The following HMGA2 variants were observed in gnomAD, a reference collection of about 807,000 sequenced individuals.
HMGA2 encodes the protein high mobility group protein HMGI-C.
In HMGA2, 8 loss-of-function variants were observed where a neutral mutation model predicts 19.1. The ratio of observed to expected loss-of-function variants is 0.42; its 90% CI spans 0.25 to 0.76. HMGA2 has a LOEUF of 0.76. Among genes scored for constraint, HMGA2 ranks in the 30% least tolerant of loss-of-function variants. The pLI, the probability that HMGA2 is intolerant of heterozygous loss-of-function variation, is 0.28. For missense variants in HMGA2, 109 were observed against 136.3 expected, an observed-to-expected ratio of 0.80 and a Z score of 1.00; for synonymous variants, 60 against 48.8, an observed-to-expected ratio of 1.23 and a Z score of -0.96.
chr12:65,833,903 G>A (rs887857758), intron 2 of HMGA2, among the ~76,000 whole-genome samples: 2 of 152,082 alleles, frequency 1.3e-5, no homozygotes, highest in South Asian at 2.1e-4. Flanking sequence ...TATATTTGTG[G>A]GTAGCATTTT....
intron 3 of HMGA2, among the ~76,000 whole-genome samples, chr12:65,903,842 C>T (rs1438729186): frequency 6.6e-6 from 1 of 152,122 alleles, no homozygotes; most frequent in Non-Finnish European, 1.5e-5. Context: ...GAATAACTAG[C>T]AGATAACAGA....
chr12:65,884,165 T>C (rs1873561595), intron 3 of HMGA2, among the ~76,000 whole-genome samples: 1 of 152,200 alleles, frequency 6.6e-6, no homozygotes, highest in Non-Finnish European at 1.5e-5. Context: ...CGTATCTGGC[T>C]CTCATATTTT....
At chr12:65,907,717 A>AGTGCTTAATTTTTCAAGTAAGGAT (rs1370761918) in intron 3 of HMGA2, among the ~76,000 whole-genome samples, 1 of 152,172 alleles carries the variant, frequency 6.6e-6, no homozygotes, top group Non-Finnish European at 1.5e-5. Context: ...TTATTGGACA[A>AGTGCTTAATTTTTCAAGTAAGGAT]GTGCTTAATT....
chr12:65,849,988 G>T (rs1871394642), intron 3 of HMGA2, among the ~76,000 whole-genome samples: 1 of 151,972 alleles, frequency 6.6e-6, no homozygotes, highest in South Asian at 2.1e-4. Context: ...CATAGTGCTG[G>T]GATTACAGGC....
intron 3 of HMGA2, among the ~76,000 whole-genome samples, chr12:65,904,032 G>A (rs955149999): frequency 2.0e-5 from 3 of 152,248 alleles, no homozygotes; most frequent in Non-Finnish European, 2.9e-5. Context: ...AACACATCGC[G>A]TAGCGATCCA....
In HMGA2 at chr12:65,838,554, C is replaced by A. The variant is rs769710665; in HGVS notation, c.234C>A (p.Gly78=). The change falls in exon 3 of 5, where the codon GGC becomes GGA. Residue 78 remains glycine, a synonymous_variant. Coordinates refer to ENST00000403681, the MANE Select transcript of HMGA2 (RefSeq NM_003483.6). Reference sequence around the variant, plus strand: ...CCACTGGAGAAAAACGGCCAAGAGGCAGACCTAGGAAATGGGTGAGTAATA... The same window carrying A: ...CCACTGGAGAAAAACGGCCAAGAGGAAGACCTAGGAAATGGGTGAGTAATA... ...AEATGEKRPR[G]RPRKWPQQVV... 3.7e-6 allele frequency: 6 copies of A among 1,610,298 alleles called. No individual in the cohort carries two copies.
chr12:65,938,792 A>G (rs1875982584), intron 3 of HMGA2, among the ~76,000 whole-genome samples: 1 of 152,046 alleles, frequency 6.6e-6, no homozygotes, highest in African/African-American at 2.4e-5. Flanking sequence ...TGAGACTACT[A>G]CTATCAAATG....
intron 3 of HMGA2, among the ~76,000 whole-genome samples, chr12:65,945,161 C>A (rs1289797820): frequency 6.6e-6 from 1 of 151,574 alleles, no homozygotes; most frequent in African/African-American, 2.4e-5. Context: ...TCAGAAATAC[C>A]ATTTTGTCTG....
chr12:65,930,041 A>G (rs1875652734), intron 3 of HMGA2, among the ~76,000 whole-genome samples: 1 of 152,208 alleles, frequency 6.6e-6, no homozygotes, highest in African/African-American at 2.4e-5. Context: ...TGATACACTC[A>G]AGAAAAGCTG....
chr12:65,826,381 G>T (rs946734093), intron 1 of HMGA2: 1 of 152,282 alleles, frequency 6.6e-6, no homozygotes, highest in African/African-American at 2.4e-5. Flanking sequence ...TTTCCAAGCC[G>T]CGGCGGGCAG....
chr12:65,837,271 G>A (rs1870773213), intron 2 of HMGA2, among the ~76,000 whole-genome samples: 1 of 152,158 alleles, frequency 6.6e-6, no homozygotes, highest in African/African-American at 2.4e-5. Flanking sequence ...ATACTATTTG[G>A]TGAGAAATGT....
intron 3 of HMGA2, among the ~76,000 whole-genome samples, chr12:65,853,260 A>G (rs1005692412): frequency 6.6e-6 from 1 of 152,220 alleles, no homozygotes; most frequent in Non-Finnish European, 1.5e-5. Flanking sequence ...ATGAATACTT[A>G]CATGTGATAC....
chr12:65,884,869 G>A (rs1172094545), intron 3 of HMGA2, among the ~76,000 whole-genome samples: 1 of 152,192 alleles, frequency 6.6e-6, no homozygotes. Flanking sequence ...TGGTTGTTGA[G>A]AATATTAAAT....
chr12:65,928,402 G>A (rs909136269), intron 3 of HMGA2, among the ~76,000 whole-genome samples: 2 of 152,296 alleles, frequency 1.3e-5, no homozygotes, highest in African/African-American at 2.4e-5. Context: ...GTGAGTGAAT[G>A]TGACAGCCTA....
intron 3 of HMGA2, among the ~76,000 whole-genome samples, chr12:65,902,145 T>A (rs1013315836): frequency 6.6e-6 from 1 of 152,138 alleles, no homozygotes; most frequent in African/African-American, 2.4e-5. Context: ...TGCTGTAATA[T>A]GGATCATCCT....
intron 3 of HMGA2, chr12:65,842,263 C>A: frequency 3.5e-6 from 2 of 564,874 alleles, no homozygotes; most frequent in South Asian, 3.0e-5. Context: ...AGGTATATTT[C>A]TCATAGAGTT....
In HMGA2 at chr12:65,963,559, C is replaced by A. The variant is rs1454844921; in HGVS notation, c.*267C>A. 2 of 497,182 alleles carry A rather than the reference C, an allele frequency of 4.0e-6. No homozygotes were observed. Among genetic ancestry groups the A allele is most frequent in the South Asian group, 2.7e-5 (1 of 37,594 alleles). The allele number at this position is 497,182 out of a possible 1,614,324, so 30.8% of individuals were successfully genotyped here. ...ACACAGGGGACACAGCTTAACAATG[C>A]AACTTTTAATTACTGTTTTCTTTTT... On this transcript the variant is annotated 3_prime_UTR_variant, in exon 5 of 5. Coordinates refer to ENST00000403681, the MANE Select transcript of HMGA2 (RefSeq NM_003483.6).
At chr12:65,935,202 T>C (rs1875850192) in intron 3 of HMGA2, 1 of 152,226 alleles carries the variant, frequency 6.6e-6, no homozygotes, top group African/African-American at 2.4e-5. Context: ...TGTGTTCCAT[T>C]TGATGTCAAA....
intron 3 of HMGA2, among the ~76,000 whole-genome samples, chr12:65,925,302 C>A (rs76889297): frequency 1.3e-5 from 2 of 152,274 alleles, no homozygotes; most frequent in Non-Finnish European, 2.9e-5. Context: ...AAAAAATTGA[C>A]TTTTGGACAA....
Sources: gnomAD v4.1 joint callset for allele counts (sites outside exome capture counted in the v4.1 genomes callset) on GRCh38, gnomAD v4.1.1 for gene constraint, MANE v1.5 for transcripts, NCBI Gene and HGNC (gene_info 2026-07-23, HGNC 2026-07-21) for gene names.